The following PCDHGB2 variants were observed in gnomAD, a reference collection of about 807,000 sequenced individuals.
PCDHGB2 encodes the protein protocadherin gamma subfamily B, 2.
PCDHGB2 carries 55 observed loss-of-function variants against 59.3 expected under a neutral mutation model. That is an observed-to-expected ratio of 0.93 (90% CI 0.75 to 1.16). The LOEUF (loss-of-function observed/expected upper bound fraction) is 1.16, where lower values mean the gene tolerates loss of function less well. Ranked by LOEUF, PCDHGB2 falls within the 50% of genes most tolerant of loss-of-function variation. PCDHGB2 has a pLI of 0.00. For missense variants in PCDHGB2, 1,228 were observed against 1,198.5 expected, an observed-to-expected ratio of 1.02 and a Z score of -0.36; for synonymous variants, 516 against 512.0, an observed-to-expected ratio of 1.01 and a Z score of -0.11.
At position 141,476,090 on chromosome 5, in the gene PCDHGB2, C is replaced by T; in HGVS notation, c.2422-18717C>T. On this transcript the variant is annotated intron_variant, in intron 1 of 3. Coordinates refer to ENST00000522605, the MANE Select transcript of PCDHGB2 (RefSeq NM_018923.3). The surrounding 1 kb of genome is among the most constrained non-coding windows in gnomAD (Gnocchi z 7.6). ...GAAATCTCAGGGACGATCTGGACCC[C>T]GCTGAGAGGAACTGCTTTTGAGTGA... 3 of 1,562,222 alleles carry T rather than the reference C, an allele frequency of 1.9e-6. No individual in the cohort carries two copies. Among genetic ancestry groups the T allele is most frequent in the African/African-American group, 1.4e-5 (1 of 73,764 alleles).
chr5:141,487,616 G>T lies in PCDHGB2; in HGVS notation c.2422-7191G>T. The T allele has an allele frequency of 1.2e-6, 2 of 1,614,220 alleles. No homozygotes were observed. The highest frequency in any genetic ancestry group is 1.7e-6 in the Non-Finnish European group (2 of 1,180,044). ...CTCTGATCTTCTCTATGGGCTAGAGGTGAGACCTTTGCAGGCTCAACAAAT... is the reference window on the plus strand; with the variant it reads ...CTCTGATCTTCTCTATGGGCTAGAGTTGAGACCTTTGCAGGCTCAACAAAT... On this transcript the variant is annotated intron_variant, in intron 1 of 3. Coordinates refer to ENST00000522605, the MANE Select transcript of PCDHGB2 (RefSeq NM_018923.3). This position sits in a 1 kb window ranked among gnomAD's most constrained non-coding sequence, Gnocchi z 5.0.
chr5:141,372,316 G>T, intron 1 of PCDHGB2: 1 of 1,613,524 alleles, frequency 6.2e-7, no homozygotes, highest in East Asian at 2.2e-5. Flanking sequence ...GCCCGCCAGC[G>T]CCTGCTGGTC....
intron 1 of PCDHGB2, chr5:141,408,074 C>T: frequency 7.2e-7 from 1 of 1,395,302 alleles, no homozygotes; most frequent in Non-Finnish European, 9.5e-7. Context: ...CAGACCTTTC[C>T]CAGCACAGCG....
intron 1 of PCDHGB2, chr5:141,370,231 G>C: frequency 1.7e-6 from 1 of 591,382 alleles, no homozygotes; most frequent in South Asian, 3.3e-5. Context: ...CAGCCAGCTC[G>C]GAAGAAAAGT....
At position 141,486,134 on chromosome 5, in the gene PCDHGB2, C is replaced by T; in HGVS notation, c.2422-8673C>T. 6.2e-7 allele frequency: 1 copy of T among 1,614,168 alleles called. No homozygotes were observed. ...TGAGAATTACTATGAATTTGATGTG[C>T]GGGCTCGCGATGGGGGTTCTCCAGC... On this transcript the variant is annotated intron_variant, in intron 1 of 3. Coordinates refer to ENST00000522605, the MANE Select transcript of PCDHGB2 (RefSeq NM_018923.3). The surrounding 1 kb of genome is among the most constrained non-coding windows in gnomAD (Gnocchi z 5.0).
At chr5:141,447,178 C>T (rs1258561542) in intron 1 of PCDHGB2, among the ~76,000 whole-genome samples, 2 of 152,094 alleles carry the variant, frequency 1.3e-5, no homozygotes, top group Middle Eastern at 3.4e-3. Context: ...TTGCTCTTGT[C>T]GCGCAGGCTG....
chr5:141,505,053 T>C (rs904041070), intron 2 of PCDHGB2, among the ~76,000 whole-genome samples: 2 of 152,108 alleles, frequency 1.3e-5, no homozygotes, highest in African/African-American at 4.8e-5. Context: ...TCCCAGCTAC[T>C]TGGGAGACTG....
In PCDHGB2 at chr5:141,360,025, T is replaced by C. The variant is rs1336332149; in HGVS notation, c.-111T>C. On this transcript the variant is annotated 5_prime_UTR_variant, in exon 1 of 4. Transcript: ENST00000522605. ...AAACCAACCACACAGAGAAGGCCAGTATAGATTCGGAAACAGAAAACAAAA... is the reference window on the plus strand; with the variant it reads ...AAACCAACCACACAGAGAAGGCCAGCATAGATTCGGAAACAGAAAACAAAA... 12 of 1,338,564 alleles carry C rather than the reference T, an allele frequency of 9.0e-6. No individual in the cohort carries two copies. In the Admixed American group the frequency reaches 3.4e-4, roughly 38 times the overall value. 82.9% of individuals were successfully genotyped at this position (1,338,564 alleles called of 1,614,324 possible). A position where few individuals can be genotyped will look rare whatever the true frequency, so the allele number is the denominator to read the frequency against.
At chr5:141,394,945 T>A in intron 1 of PCDHGB2, 1 of 1,613,892 alleles carries the variant, frequency 6.2e-7, no homozygotes, top group African/African-American at 1.3e-5. Context: ...GTCGCTGTGC[T>A]TCTGGGGCTC....
intron 1 of PCDHGB2, chr5:141,383,678 G>C: frequency 1.2e-6 from 2 of 1,614,036 alleles, no homozygotes; most frequent in East Asian, 4.5e-5. Flanking sequence ...GTGGGTACAA[G>C]ACTGCTCACG....
At chr5:141,366,832 G>C in intron 1 of PCDHGB2, 1 of 1,518,404 alleles carries the variant, frequency 6.6e-7, no homozygotes, top group South Asian at 1.3e-5. Flanking sequence ...TTCAGAATCA[G>C]CTAGTTATGT....
intron 1 of PCDHGB2, among the ~76,000 whole-genome samples, chr5:141,469,186 G>T (rs536021769): frequency 6.6e-6 from 1 of 151,978 alleles, no homozygotes; most frequent in Admixed American, 6.6e-5. Flanking sequence ...TGAGGCAAGA[G>T]GATTGCTTGA....
At chr5:141,397,024 A>G (rs188506780) in intron 1 of PCDHGB2, among the ~76,000 whole-genome samples, 30 of 152,358 alleles carry the variant, frequency 2.0e-4, no homozygotes, top group African/African-American at 7.2e-4. Flanking sequence ...AAGGTTGACC[A>G]ATGTCCACAA....
intron 1 of PCDHGB2, chr5:141,423,833 T>G: frequency 1.8e-5 from 23 of 1,262,362 alleles, no homozygotes; most frequent in East Asian, 7.3e-5. Flanking sequence ...TTCATGAGAT[T>G]ACGATAATCT....
At chr5:141,376,331 C>T (rs757952080) in intron 1 of PCDHGB2, 2 of 1,614,078 alleles carry the variant, frequency 1.2e-6, no homozygotes, top group East Asian at 2.2e-5. Context: ...TCGGGCTTTC[C>T]TGCAGACCTA....
intron 1 of PCDHGB2, chr5:141,433,097 G>C: frequency 6.2e-7 from 1 of 1,614,162 alleles, no homozygotes; most frequent in Non-Finnish European, 8.5e-7. Context: ...AGACATGCTC[G>C]TCAGCCAGGA....
Position 141,476,242 on chromosome 5 carries a change from G to T in PCDHGB2, c.2422-18565G>T. ...ACTATGAGATCCCGGAGGAAAGAGA[G>T]AAGGGTTTCGCTGTGGGCAACGTGG... is the stretch of plus-strand genomic sequence containing the variant. On this transcript the variant is annotated intron_variant, in intron 1 of 3. Coordinates refer to ENST00000522605, the MANE Select transcript of PCDHGB2 (RefSeq NM_018923.3). The surrounding 1 kb of genome is among the most constrained non-coding windows in gnomAD (Gnocchi z 7.6). 6.2e-7 allele frequency: 1 copy of T among 1,614,100 alleles called. No individual in the cohort carries two copies.
intron 1 of PCDHGB2, chr5:141,423,243 C>G (rs2096724455): frequency 6.2e-7 from 1 of 1,613,842 alleles, no homozygotes. Flanking sequence ...TCCCCGAAGT[C>G]CTGGCGGACC....
intron 2 of PCDHGB2, among the ~76,000 whole-genome samples, chr5:141,496,474 T>A (rs2099769027): frequency 6.6e-6 from 1 of 152,140 alleles, no homozygotes; most frequent in African/African-American, 2.4e-5. Context: ...CTTTCCCCCA[T>A]CCTGCAACCA....
Sources: allele counts gnomAD v4.1 joint callset (sites outside exome capture counted in the v4.1 genomes callset), GRCh38; gene constraint gnomAD v4.1.1; non-coding constraint Gnocchi (gnomAD v3.1); transcripts MANE v1.5; gene names NCBI Gene and HGNC (gene_info 2026-07-23, HGNC 2026-07-21).